Variants in MYT1L observed in about 807,000 individuals in gnomAD.
MYT1L encodes the protein myelin transcription factor 1-like protein.
MYT1L carries 12 observed loss-of-function variants against 126.7 expected under a neutral mutation model. That is an observed-to-expected ratio of 0.09 (90% CI 0.06 to 0.15). The LOEUF (loss-of-function observed/expected upper bound fraction) is 0.15. Among genes scored for constraint, MYT1L ranks in the 10% least tolerant of loss-of-function variants. The probability of loss-of-function intolerance (pLI) is 1.00; values close to 1 mark genes in which losing one functional copy is unlikely to be tolerated. For missense variants in MYT1L, 979 were observed against 1,585.2 expected (o/e 0.62, Z 6.49); for synonymous variants, 541 against 604.2 (o/e 0.90, Z 1.53).
intron 18 of MYT1L, among the ~76,000 whole-genome samples, chr2:1,867,783 G>T (rs574099737): frequency 5.7e-4 from 86 of 152,206 alleles, no homozygotes; most frequent in African/African-American, 1.9e-3. Context: ...GTAGATGAAG[G>T]TCATTGTTCA....
At chr2:2,328,253 C>T (rs1378560919) in intron 1 of MYT1L, among the ~76,000 whole-genome samples, 1 of 152,046 alleles carries the variant, frequency 6.6e-6, no homozygotes, top group Admixed American at 6.5e-5. Flanking sequence ...AGACAGAAAA[C>T]ATCAGACAGT....
chr2:1,888,582 A>G (rs1383666948), intron 16 of MYT1L, among the ~76,000 whole-genome samples: 1 of 152,240 alleles, frequency 6.6e-6, no homozygotes, highest in Admixed American at 6.5e-5. Flanking sequence ...AGATGTCATA[A>G]GACTTTAAAG....
chr2:1,802,647 C>G (rs2147922659), intron 22 of MYT1L, among the ~76,000 whole-genome samples: 1 of 152,264 alleles, frequency 6.6e-6, no homozygotes, highest in Non-Finnish European at 1.5e-5. Context: ...GGCACAGGGC[C>G]CAGATGCCCA....
chr2:2,198,442 A>G (rs1338922555), intron 2 of MYT1L, among the ~76,000 whole-genome samples: 4 of 152,222 alleles, frequency 2.6e-5, no homozygotes, highest in African/African-American at 9.6e-5. Flanking sequence ...ACCAAGATAA[A>G]TGGTAAAAGT....
chr2:1,844,997 G>C (rs2042309179), intron 19 of MYT1L, among the ~76,000 whole-genome samples: 1 of 139,936 alleles, frequency 7.1e-6, no homozygotes. Context: ...TTTTTTTTGA[G>C]ACAGAGTCTC....
intron 3 of MYT1L, among the ~76,000 whole-genome samples, chr2:2,161,209 T>A (rs937113314): frequency 2.0e-5 from 3 of 152,182 alleles, no homozygotes; most frequent in Non-Finnish European, 4.4e-5. Flanking sequence ...AGAGACTCCA[T>A]CTCAAACAAA....
At chr2:2,097,228 T>G (rs1264956374) in intron 3 of MYT1L, among the ~76,000 whole-genome samples, 1 of 152,168 alleles carries the variant, frequency 6.6e-6, no homozygotes, top group Non-Finnish European at 1.5e-5. Context: ...TTCTCCCCTC[T>G]GATTCCTGCT....
intron 2 of MYT1L, among the ~76,000 whole-genome samples, chr2:2,214,822 CT>C (rs2093633114): frequency 6.6e-6 from 1 of 152,112 alleles, no homozygotes; most frequent in Non-Finnish European, 1.5e-5. Context: ...GCATCATATA[CT>C]TTTCTTAGTA....
Position 2,049,185 on chromosome 2 carries a change from T to C in MYT1L, c.-158+4793A>G, listed in dbSNP as rs1344629546. 3.3e-5 allele frequency among the ~76,000 whole-genome samples: 5 copies of C among 152,282 alleles called. No homozygotes were observed. The East Asian group carries it at 5.8e-4, about 18-fold the overall frequency. ...TATTTGGTTGCTTTCTGGGGAAACA[T>C]GTATGAGGATGATGACTATAAAGTT... On this transcript the variant is annotated intron_variant, in intron 4 of 24. Transcript: ENST00000647738.
intron 2 of MYT1L, among the ~76,000 whole-genome samples, chr2:2,251,391 T>C (rs543881139): frequency 2.6e-5 from 4 of 152,302 alleles, no homozygotes; most frequent in Non-Finnish European, 5.9e-5. Flanking sequence ...CTCCACCAGT[T>C]CTTTCAGGGT....
intron 3 of MYT1L, among the ~76,000 whole-genome samples, chr2:2,107,928 C>G (rs2078948465): frequency 6.6e-6 from 1 of 152,036 alleles, no homozygotes; most frequent in Non-Finnish European, 1.5e-5. Flanking sequence ...TGCTCAGAAC[C>G]CAACGCTCAG....
Position 1,917,121 on chromosome 2 carries a change from G to A in MYT1L, c.1618+84C>T, listed in dbSNP as rs2052956255. ...TCAGGTCGCACCGAGCCGTACAATG[G>A]AGATGATGTCAGGTAAGAGGGATGA... On this transcript the variant is annotated intron_variant, in intron 11 of 24. Coordinates refer to ENST00000647738, the MANE Select transcript of MYT1L (RefSeq NM_001303052.2). The surrounding 1 kb of genome is among the most constrained non-coding windows in gnomAD (Gnocchi z 5.9). The A allele has an allele frequency of 4.0e-6, 6 of 1,507,312 alleles. No individual in the cohort carries two copies. Among genetic ancestry groups the A allele is most frequent in the Non-Finnish European group, 5.4e-6 (6 of 1,106,960 alleles). 93.4% of individuals were successfully genotyped at this position (1,507,312 alleles called of 1,614,324 possible).
intron 3 of MYT1L, among the ~76,000 whole-genome samples, chr2:2,101,154 T>C (rs948817194): frequency 2.0e-5 from 3 of 152,210 alleles, no homozygotes; most frequent in African/African-American, 7.2e-5. Context: ...GTTATATACA[T>C]ATTTCCTGAT....
intron 2 of MYT1L, among the ~76,000 whole-genome samples, chr2:2,245,588 G>A (rs908321937): frequency 2.0e-5 from 3 of 151,590 alleles, no homozygotes; most frequent in Admixed American, 6.6e-5. Flanking sequence ...AGCAGTTTCC[G>A]TGAAATACAC....
At chr2:2,116,628 A>G (rs1053542077) in intron 3 of MYT1L, among the ~76,000 whole-genome samples, 7 of 152,218 alleles carry the variant, frequency 4.6e-5, no homozygotes, top group Non-Finnish European at 1.0e-4. Context: ...GATCAACGCA[A>G]TGCAGTGCAA....
intron 3 of MYT1L, among the ~76,000 whole-genome samples, chr2:2,149,563 A>T (rs1320082124): frequency 6.6e-6 from 1 of 152,176 alleles, no homozygotes; most frequent in Admixed American, 6.5e-5. Context: ...TCCCTTACTC[A>T]AAGTCTGTCA....
chr2:2,267,878 A>C (rs1284851578), intron 2 of MYT1L, among the ~76,000 whole-genome samples: 1 of 152,046 alleles, frequency 6.6e-6, no homozygotes, highest in Non-Finnish European at 1.5e-5. Flanking sequence ...GAAAAAAAAA[A>C]CCAAGGACAG....
intron 5 of MYT1L, among the ~76,000 whole-genome samples, chr2:1,990,519 G>A (rs2061374632): frequency 6.6e-6 from 1 of 152,192 alleles, no homozygotes; most frequent in Admixed American, 6.5e-5. Context: ...ATGGAGGGCA[G>A]TGGGGAAGAG....
intron 2 of MYT1L, among the ~76,000 whole-genome samples, chr2:2,175,067 T>C (rs1361610840): frequency 6.6e-6 from 1 of 152,030 alleles, no homozygotes; most frequent in African/African-American, 2.4e-5. Flanking sequence ...GTATGTTGAG[T>C]GTGAATTCGT....
Sources: gnomAD v4.1 joint callset for allele counts (sites outside exome capture counted in the v4.1 genomes callset) on GRCh38, gnomAD v4.1.1 for gene constraint, Gnocchi (gnomAD v3.1) non-coding constraint, MANE v1.5 for transcripts, NCBI Gene and HGNC (gene_info 2026-07-23, HGNC 2026-07-21) for gene names.